SLC29A3: variants seen among roughly 807,000 people sequenced by gnomAD.
SLC29A3 encodes equilibrative nucleoside transporter 3.
Under a neutral mutation model 25.4 loss-of-function variants are expected in SLC29A3, and 18 were observed. The ratio of observed to expected loss-of-function variants is 0.71; its 90% confidence interval spans 0.49 to 1.05. The LOEUF (loss-of-function observed/expected upper bound fraction) is 1.05, where lower values mean the gene tolerates loss of function less well. SLC29A3 is among the 50% of genes least tolerant of loss of function. The pLI is 0.00. For synonymous variants in SLC29A3, 258 were observed against 267.1 expected (o/e 0.97, Z 0.33); for missense variants, 586 against 609.0 (o/e 0.96, Z 0.40).
rs560139732 is a variant in SLC29A3 at position 71,326,490 on chromosome 10, C to T, written c.300+3436C>T. Among the ~76,000 whole-genome samples the T allele has an allele frequency of 1.4e-4, 21 of 152,334 alleles. No homozygotes were observed. In the East Asian group the frequency reaches 3.5e-3, roughly 25 times the overall value. On this transcript the variant is annotated intron_variant, in intron 2 of 5. Transcript: ENST00000373189. ...CGCTTTTATTTACCAGTGACTCCAA[C>T]GTCCCAGCTTTCTGCCAGCCGTGGT... is the stretch of plus-strand genomic sequence containing the variant.
At chr10:71,320,649 C>T (rs1474411661) in intron 1 of SLC29A3, among the ~76,000 whole-genome samples, 2 of 152,186 alleles carry the variant, frequency 1.3e-5, no homozygotes, top group Non-Finnish European at 2.9e-5. Context: ...CTCTGCTAAC[C>T]AGGGGAGTTT....
At chr10:71,321,643 A>G (rs1845848339) in intron 1 of SLC29A3, among the ~76,000 whole-genome samples, 1 of 152,264 alleles carries the variant, frequency 6.6e-6, no homozygotes, top group South Asian at 2.1e-4. Context: ...TAGGCCAGGC[A>G]TTGCCAGCCA....
At position 71,322,786 on chromosome 10, in the gene SLC29A3, A is replaced by G; in HGVS notation, c.32A>G (p.His11Arg). ...GTTGTCTCAGAGGACGACTTTCAGC[A>G]CAGTTCAAACTCCACCTACAGAACC... MAVVSEDDFQHSSNSTYRTTS... is the reference protein window; with the variant it reads MAVVSEDDFQRSSNSTYRTTS... Residue 11 changes from histidine to arginine, a missense_variant, in exon 2 of 6, where the codon CAC becomes CGC. Transcript: ENST00000373189. 1 of 1,614,116 alleles carries G rather than the reference A, an allele frequency of 6.2e-7. No individual in the cohort carries two copies. The highest frequency in any genetic ancestry group is 8.5e-7 in the Non-Finnish European group (1 of 1,180,032).
chr10:71,350,878 A>G (rs1846736994), intron 3 of SLC29A3, among the ~76,000 whole-genome samples: 1 of 152,176 alleles, frequency 6.6e-6, no homozygotes, highest in Non-Finnish European at 1.5e-5. Context: ...CAGCTTCCTT[A>G]TCTGTATACA....
chr10:71,342,287 G>A (rs1410737812), intron 2 of SLC29A3, among the ~76,000 whole-genome samples: 4 of 152,192 alleles, frequency 2.6e-5, no homozygotes, highest in Admixed American at 1.3e-4. Flanking sequence ...GTCAACTCCT[G>A]TCACCATGTG....
chr10:71,331,461 A>G (rs575449734), intron 2 of SLC29A3, among the ~76,000 whole-genome samples: 54 of 152,260 alleles, frequency 3.5e-4, no homozygotes, highest in African/African-American at 1.3e-3. Flanking sequence ...TTGTGTGTGG[A>G]AGCAAATGAT....
intron 3 of SLC29A3, among the ~76,000 whole-genome samples, chr10:71,346,147 C>T (rs1277640234): frequency 6.6e-6 from 1 of 152,198 alleles, no homozygotes; most frequent in Admixed American, 6.5e-5. Context: ...CTGCCTGTTG[C>T]CTCTTCAGTG....
Position 71,335,149 on chromosome 10 carries a change from A to G in SLC29A3, c.301-9060A>G, listed in dbSNP as rs77281223. Among the ~76,000 whole-genome samples the G allele has an allele frequency of 4.1e-3, 630 of 151,862 alleles. 25 individuals are homozygous for G. In the East Asian group the frequency reaches 0.079, roughly 19 times the overall value. ...TAACCACTGCTACCTGCTTCTTCCCATCTGCTCCCTCCACCCATTTCTGCC... is the reference window on the plus strand; with the variant it reads ...TAACCACTGCTACCTGCTTCTTCCCGTCTGCTCCCTCCACCCATTTCTGCC... On this transcript the variant is annotated intron_variant, in intron 2 of 5. Coordinates refer to ENST00000373189, the MANE Select transcript of SLC29A3 (RefSeq NM_018344.6).
intron 2 of SLC29A3, among the ~76,000 whole-genome samples, chr10:71,328,380 T>C (rs1846021788): frequency 6.6e-6 from 1 of 152,204 alleles, no homozygotes; most frequent in East Asian, 1.9e-4. Context: ...AGCTGCATCA[T>C]ACTTCCCCAT....
chr10:71,367,819 G>A (rs1353016853), downstream of SLC29A3, among the ~76,000 whole-genome samples: 1 of 152,222 alleles, frequency 6.6e-6, no homozygotes, highest in Non-Finnish European at 1.5e-5. Flanking sequence ...TAGGGCCAAG[G>A]AATTAACAGT....
At chr10:71,350,300 T>C (rs1846716450) in intron 3 of SLC29A3, among the ~76,000 whole-genome samples, 1 of 144,686 alleles carries the variant, frequency 6.9e-6, no homozygotes, top group Admixed American at 7.1e-5. Context: ...TTCTTGCTCA[T>C]CATTTCACAC....
intron 1 of SLC29A3, 24 bp downstream of exon 1, chr10:71,319,334 C>CTTCCGGCTACGG (rs1313209696): frequency 1.6e-6 from 1 of 642,138 alleles, no homozygotes; most frequent in African/African-American, 1.9e-5. Flanking sequence ...GGCTCGGGCT[C>CTTCCGGCTACGG]TTCCGGCTAC....
intron 2 of SLC29A3, among the ~76,000 whole-genome samples, chr10:71,327,732 C>A (rs1846004398): frequency 8.6e-6 from 1 of 115,692 alleles, no homozygotes; most frequent in Non-Finnish European, 1.7e-5. Flanking sequence ...CACTTTGACT[C>A]CACCAAACAC....
chr10:71,362,015 G>A lies in SLC29A3; in HGVS notation c.835G>A (p.Asp279Asn), dbSNP rs1847067812. The part of the protein sequence containing the change: ...VFSGEEELPQ[D>N]SLSAPSVASR... ...TTCTGGTGAAGAGGAGCTTCCCCAG[G>A]ACTCCCTCAGTGCCCCTTCGGTGGC... Residue 279 changes from aspartate (D) to asparagine (N), a missense_variant, in exon 6 of 6, where the codon GAC becomes AAC. Coordinates refer to ENST00000373189, the MANE Select transcript of SLC29A3 (RefSeq NM_018344.6). 1 of 1,614,072 alleles carries A rather than the reference G, an allele frequency of 6.2e-7. No homozygotes were observed. Among genetic ancestry groups the A allele is most frequent in the Non-Finnish European group, 8.5e-7 (1 of 1,180,008 alleles).
chr10:71,351,281 C>T (rs1324555390), intron 3 of SLC29A3, among the ~76,000 whole-genome samples: 2 of 152,230 alleles, frequency 1.3e-5, no homozygotes, highest in Admixed American at 1.3e-4. Flanking sequence ...CTGCCGCTTG[C>T]ACCCCACACT....
At chr10:71,349,974 C>G (rs113084796) in intron 3 of SLC29A3, among the ~76,000 whole-genome samples, 169 of 152,332 alleles carry the variant, frequency 1.1e-3, no homozygotes, top group Middle Eastern at 0.01. Flanking sequence ...TGTTGCTGGT[C>G]TGTCCCGTGT....
chr10:71,347,039 G>T (rs959316050), intron 3 of SLC29A3, among the ~76,000 whole-genome samples: 4 of 152,162 alleles, frequency 2.6e-5, no homozygotes, highest in African/African-American at 9.7e-5. Flanking sequence ...CTCTAGGAGA[G>T]GGGGCAAGGG....
At chr10:71,323,083 G>T in intron 2 of SLC29A3, 29 bp downstream of exon 2, 1 of 1,611,668 alleles carries the variant, frequency 6.2e-7, no homozygotes, top group Non-Finnish European at 8.5e-7. Flanking sequence ...TGCAAGGCTG[G>T]TGGGAGCATA....
At chr10:71,341,076 G>A (rs924076285) in intron 2 of SLC29A3, among the ~76,000 whole-genome samples, 9 of 152,160 alleles carry the variant, frequency 5.9e-5, no homozygotes, top group Admixed American at 2.0e-4. Flanking sequence ...ACGATCTGTG[G>A]GCTCCTTCCA....
Sources: allele counts gnomAD v4.1 joint callset (sites outside exome capture counted in the v4.1 genomes callset), GRCh38; gene constraint gnomAD v4.1.1; transcripts MANE v1.5; gene names NCBI Gene and HGNC (gene_info 2026-07-23, HGNC 2026-07-21).